Variants in ACTN2 observed in about 807,000 individuals in gnomAD.
The protein encoded by ACTN2 is alpha-actinin-2.
Under a neutral mutation model 113.8 loss-of-function variants are expected in ACTN2, and 39 were observed. The ratio of observed to expected loss-of-function variants is 0.34; its 90% CI spans 0.27 to 0.45. ACTN2 has a LOEUF of 0.45. Among genes scored for constraint, ACTN2 ranks in the 20% least tolerant of loss-of-function variants. The pLI, the probability that ACTN2 is intolerant of heterozygous loss-of-function variation, is 1.00. For synonymous variants in ACTN2, 429 were observed against 444.1 expected (o/e 0.97, Z 0.43); for missense variants, 992 against 1,177.9 (o/e 0.84, Z 2.31).
At chr1:236,711,084 G>C (rs887636682) in intron 1 of ACTN2, among the ~76,000 whole-genome samples, 2 of 152,218 alleles carry the variant, frequency 1.3e-5, no homozygotes, top group Non-Finnish European at 2.9e-5. Context: ...TGGTGCCCAG[G>C]AGAGTTTCCA....
At chr1:236,694,551 T>C (rs545168681) in intron 1 of ACTN2, among the ~76,000 whole-genome samples, 1 of 152,246 alleles carries the variant, frequency 6.6e-6, no homozygotes, top group South Asian at 2.1e-4. Flanking sequence ...ATGAAGAAAT[T>C]ATGAATCATT....
intron 1 of ACTN2, among the ~76,000 whole-genome samples, chr1:236,694,559 A>G (rs1657415041): frequency 1.3e-5 from 2 of 152,102 alleles, no homozygotes; most frequent in Non-Finnish European, 1.5e-5. Context: ...ATTATGAATC[A>G]TTTCTAAGAA....
At chr1:236,709,680 C>A (rs1273846578) in intron 1 of ACTN2, among the ~76,000 whole-genome samples, 1 of 152,000 alleles carries the variant, frequency 6.6e-6, no homozygotes, top group East Asian at 1.9e-4. Context: ...CGCTCAGCAG[C>A]ACCCCAGACC....
chr1:236,711,219 C>T (rs373285415), intron 1 of ACTN2, among the ~76,000 whole-genome samples: 1 of 152,350 alleles, frequency 6.6e-6, no homozygotes, highest in East Asian at 1.9e-4. Context: ...ATATTTGTTC[C>T]AGCTGTCTAA....
intron 1 of ACTN2, among the ~76,000 whole-genome samples, chr1:236,709,346 ATATATATATATACGTGTGTGTG>A (rs1657951460): frequency 7.4e-6 from 1 of 135,512 alleles, no homozygotes. Flanking sequence ...ATATACGTGT[ATATATATATATACGTGTGTGTG>A]TATATATATA....
chr1:236,701,955 T>C (rs1334545947), intron 1 of ACTN2, among the ~76,000 whole-genome samples: 2 of 152,186 alleles, frequency 1.3e-5, no homozygotes, highest in Non-Finnish European at 2.9e-5. Flanking sequence ...GGAAAAATCA[T>C]GTCAGAAATG....
intron 15 of ACTN2, among the ~76,000 whole-genome samples, chr1:236,753,057 T>C (rs915654942): frequency 5.9e-5 from 9 of 152,138 alleles, no homozygotes; most frequent in African/African-American, 2.2e-4. Flanking sequence ...AAAATGTAAC[T>C]CACAAATGGA....
At position 236,719,849 on chromosome 1, in the gene ACTN2, C is replaced by T. The variant is rs61643696; in HGVS notation, c.362-256C>T. ...TACATCTTAAAACTTTGGAAACTCC[C>T]GGGTGGTTTTCACTGATAATACATA... On this transcript the variant is annotated intron_variant, in intron 3 of 20. Transcript: ENST00000366578. Among the ~76,000 whole-genome samples the T allele has an allele frequency of 0.038, 5,730 of 151,884 alleles. 318 individuals are homozygous for T. The highest frequency in any genetic ancestry group is 0.12 in the African/African-American group (4,890 of 41,382).
intron 8 of ACTN2, chr1:236,736,749 C>A (rs990713611): frequency 2.2e-6 from 2 of 912,454 alleles, no homozygotes; most frequent in South Asian, 1.6e-5. Context: ...TCCATCCCAT[C>A]GTCATGAGAT....
chr1:236,731,359 C>A, intron 7 of ACTN2, 45 bp downstream of exon 7: 1 of 1,493,712 alleles, frequency 6.7e-7, no homozygotes, highest in Non-Finnish European at 9.3e-7. Flanking sequence ...AATTTGAAGA[C>A]TACAAATGTT....
intron 15 of ACTN2, among the ~76,000 whole-genome samples, chr1:236,752,508 T>TGGGGGG (rs1659425538): frequency 1.6e-5 from 2 of 127,294 alleles, no homozygotes; most frequent in African/African-American, 3.1e-5. Flanking sequence ...CTTGCGGGGG[T>TGGGGGG]GGGGGCGGGG....
chr1:236,744,725 C>T lies in ACTN2; in HGVS notation c.1355C>T (p.Ala452Val). 1 of 1,614,164 alleles carries T rather than the reference C, an allele frequency of 6.2e-7. No homozygotes were observed. The highest frequency in any genetic ancestry group is 8.5e-7 in the Non-Finnish European group (1 of 1,180,044). The change falls in exon 12 of 21, where the codon GCA (alanine) becomes GTA (valine). Residue 452 changes from alanine to valine, a missense_variant. By Grantham distance (64) the Ala-to-Val change is moderately conservative. This residue lies in a region of ACTN2 where 736 missense variants were observed against 815.4 expected (regional missense o/e 0.90). Transcript: ENST00000366578. Reference sequence around the variant, plus strand: ...CACGAGGCGTTCGAGAGCGACCTGGCAGCGCACCAGGACCGCGTGGAGCAG... The same window carrying T: ...CACGAGGCGTTCGAGAGCGACCTGGTAGCGCACCAGGACCGCGTGGAGCAG... ...RKHEAFESDL[A>V]AHQDRVEQIA...
chr1:236,747,492 C>A (rs1659270285), intron 12 of ACTN2, among the ~76,000 whole-genome samples, 175 bp from the exon 13 acceptor site: 1 of 152,110 alleles, frequency 6.6e-6, no homozygotes, highest in East Asian at 1.9e-4. Context: ...CCTACCCTTC[C>A]ACCCCCTCAC....
intron 12 of ACTN2, 97 bp from the exon 13 acceptor site, chr1:236,747,570 G>A: frequency 9.1e-7 from 1 of 1,096,730 alleles, no homozygotes; most frequent in South Asian, 1.3e-5. Flanking sequence ...AGATGTTTTT[G>A]TTTTTAAACT....
At chr1:236,693,611 C>T (rs1372329236) in intron 1 of ACTN2, among the ~76,000 whole-genome samples, 4 of 152,184 alleles carry the variant, frequency 2.6e-5, no homozygotes, top group African/African-American at 4.8e-5. Context: ...ACACCACGGC[C>T]GTTGGGTCAC....
intron 17 of ACTN2, among the ~76,000 whole-genome samples, chr1:236,755,520 A>C (rs2102944621): frequency 6.6e-6 from 1 of 152,334 alleles, no homozygotes; most frequent in South Asian, 2.1e-4. Context: ...CCTGGGAGCC[A>C]GCAGGTATAA....
At chr1:236,734,609 C>G (rs1419779600) in intron 7 of ACTN2, 1 of 941,450 alleles carries the variant, frequency 1.1e-6, no homozygotes, top group South Asian at 1.7e-5. Context: ...CCCCCCTCTC[C>G]TCCGAGTAAG....
At chr1:236,707,321 T>A (rs1657856863) in intron 1 of ACTN2, among the ~76,000 whole-genome samples, 2 of 152,358 alleles carry the variant, frequency 1.3e-5, no homozygotes, top group South Asian at 4.1e-4. Flanking sequence ...GAGACCTTCT[T>A]GCACCCCTTT....
intron 1 of ACTN2, among the ~76,000 whole-genome samples, chr1:236,701,186 C>T (rs888441520): frequency 2.6e-5 from 4 of 152,092 alleles, no homozygotes; most frequent in African/African-American, 9.7e-5. Flanking sequence ...CTTTGGTCTC[C>T]CTGTTCTGAG....
Sources: allele counts gnomAD v4.1 joint callset (sites outside exome capture counted in the v4.1 genomes callset), GRCh38; gene constraint gnomAD v4.1.1; regional missense constraint gnomAD v4.1.1; transcripts MANE v1.5; gene names NCBI Gene and HGNC (gene_info 2026-07-23, HGNC 2026-07-21).